PTPRR: variants seen among roughly 807,000 people sequenced by gnomAD.
The protein encoded by PTPRR is protein tyrosine phosphatase receptor type R.
A neutral mutation model predicts 77.2 loss-of-function variants in PTPRR; 38 were observed. That is an observed-to-expected ratio of 0.49 (90% CI 0.38 to 0.65). The LOEUF is 0.65. Among genes scored for constraint, PTPRR ranks in the 30% least tolerant of loss-of-function variants. PTPRR has a pLI of 0.00. For synonymous variants in PTPRR, 299 were observed against 283.1 expected (o/e 1.06, Z -0.57); for missense variants, 744 against 799.2 (o/e 0.93, Z 0.83).
At chr12:70,684,363 A>C (rs1887783749) in intron 9 of PTPRR, 99 bp from the exon 10 acceptor site, 1 of 1,301,208 alleles carries the variant, frequency 7.7e-7, no homozygotes. Flanking sequence ...GGGCTAGTAC[A>C]AAAGCAACAC....
At position 70,892,866 on chromosome 12, in the gene PTPRR, G is replaced by T. The variant is rs748791402; in HGVS notation, c.170C>A (p.Ala57Asp). The T allele has an allele frequency of 1.2e-6, 2 of 1,613,502 alleles. No homozygotes were observed. The highest frequency in any genetic ancestry group is 1.3e-5 in the African/African-American group (1 of 74,952). The change falls in exon 2 of 14, where the codon GCC (alanine) becomes GAC (aspartate). Residue 57 changes from alanine to aspartate, a missense_variant. Around this residue, in one of 3 missense-constraint regions of PTPRR, gnomAD observed 570 missense variants for 573.2 expected, o/e 0.99. Coordinates refer to ENST00000283228, the MANE Select transcript of PTPRR (RefSeq NM_002849.4). ...SQDIEKSLDI[A>D]PQKIYRHSYH... ...GCTATGTCTGTAGATTTTTTGTGGG[G>T]CTATATCCAGGCTCTTCTCAATGTC... is the stretch of plus-strand genomic sequence containing the variant.
chr12:70,812,983 C>G (rs1891836934), intron 2 of PTPRR, among the ~76,000 whole-genome samples: 1 of 152,182 alleles, frequency 6.6e-6, no homozygotes. Context: ...TTAGTTTTAA[C>G]TTTTCAAATC....
At chr12:70,783,976 G>A (rs1891263578) in intron 2 of PTPRR, among the ~76,000 whole-genome samples, 1 of 152,040 alleles carries the variant, frequency 6.6e-6, no homozygotes, top group African/African-American at 2.4e-5. Flanking sequence ...TCCCAGATTA[G>A]AGCGGGTGCC....
chr12:70,849,913 AC>A (rs748077533), intron 2 of PTPRR, among the ~76,000 whole-genome samples: 3 of 152,190 alleles, frequency 2.0e-5, no homozygotes, highest in Non-Finnish European at 4.4e-5. Context: ...GGAATGACAA[AC>A]AAAAACCAAA....
In PTPRR at chr12:70,660,178, TAATAAATAAATA is replaced by T. The variant is rs57676991; in HGVS notation, c.1766+750_1766+761del. Reference sequence around the variant, plus strand: ...GGTGATAGAGTGAGACTCTGTCTCATAATAAATAAATAAATAAATAAATAAATAAATAAATAG... The same window carrying T: ...GGTGATAGAGTGAGACTCTGTCTCATAATAAATAAATAAATAAATAAATAG... On this transcript the variant is annotated intron_variant, in intron 12 of 13. Transcript: ENST00000283228. Among the ~76,000 whole-genome samples, 157 of 141,050 alleles carry T rather than the reference TAATAAATAAATA, an allele frequency of 1.1e-3. 1 individual carries two copies. The highest frequency in any genetic ancestry group is 3.5e-3 in the African/African-American group (135 of 39,126). The allele number at this position is 141,050 out of a possible 152,430, so 92.5% of individuals were successfully genotyped here. A position where few individuals can be genotyped will look rare whatever the true frequency, so the allele number is the denominator to read the frequency against.
intron 8 of PTPRR, chr12:70,685,023 T>A (rs887803774): frequency 3.1e-5 from 10 of 325,308 alleles, no homozygotes; most frequent in Non-Finnish European, 4.5e-5. Context: ...TTTCAGGCCA[T>A]TTCTCATCTG....
intron 5 of PTPRR, among the ~76,000 whole-genome samples, chr12:70,746,695 AT>A (rs1363619173): frequency 2.0e-5 from 3 of 152,074 alleles, no homozygotes; most frequent in African/African-American, 7.2e-5. Context: ...TTTAATATTT[AT>A]TTTATTTTAT....
intron 2 of PTPRR, among the ~76,000 whole-genome samples, chr12:70,884,828 T>C (rs914623602): frequency 3.9e-5 from 5 of 126,730 alleles, no homozygotes; most frequent in Middle Eastern, 5.1e-3. Flanking sequence ...GCCGAGATCG[T>C]GCCACTGCAC....
chr12:70,649,264 G>A (rs1467375404), intron 13 of PTPRR, among the ~76,000 whole-genome samples: 7 of 152,022 alleles, frequency 4.6e-5, no homozygotes, highest in African/African-American at 1.2e-4. Flanking sequence ...TTGACTGATC[G>A]GTCATGAAAT....
At chr12:70,759,330 C>T (rs1403164442) in intron 4 of PTPRR, among the ~76,000 whole-genome samples, 2 of 151,972 alleles carry the variant, frequency 1.3e-5, no homozygotes, top group Admixed American at 1.3e-4. Flanking sequence ...ATGTCACAAG[C>T]TCTCAAAAAA....
intron 2 of PTPRR, among the ~76,000 whole-genome samples, chr12:70,884,297 G>C (rs974726832): frequency 6.6e-6 from 1 of 152,144 alleles, no homozygotes; most frequent in Non-Finnish European, 1.5e-5. Flanking sequence ...TCCATTAGCA[G>C]TGAGATTTTT....
At chr12:70,791,064 T>C (rs1285078681) in intron 2 of PTPRR, among the ~76,000 whole-genome samples, 2 of 152,174 alleles carry the variant, frequency 1.3e-5, no homozygotes, top group African/African-American at 4.8e-5. Flanking sequence ...GCTTCCACTC[T>C]GCTTTTATTG....
chr12:70,761,951 T>TA (rs1491224945), intron 3 of PTPRR, among the ~76,000 whole-genome samples: 6 of 152,124 alleles, frequency 3.9e-5, no homozygotes, highest in Non-Finnish European at 5.9e-5. Flanking sequence ...CCTGAGTAAT[T>TA]ATGTTTAAAG....
chr12:70,683,290 G>A (rs1038809856), intron 10 of PTPRR, among the ~76,000 whole-genome samples: 4 of 152,150 alleles, frequency 2.6e-5, no homozygotes, highest in African/African-American at 4.8e-5. Context: ...AATAATCCCA[G>A]TAAGTTGTCC....
At chr12:70,689,030 T>TG (rs55907010) in intron 8 of PTPRR, among the ~76,000 whole-genome samples, 129,388 of 151,952 alleles carry the variant, frequency 0.85, 55,520 homozygotes, top group East Asian at 0.92. Context: ...GCTAGGTGGG[T>TG]GGGTGAATGG....
At chr12:70,692,213 A>G (rs2136757256) in intron 8 of PTPRR, among the ~76,000 whole-genome samples, 1 of 152,132 alleles carries the variant, frequency 6.6e-6, no homozygotes, top group South Asian at 2.1e-4. Flanking sequence ...TGTCCGTTGG[A>G]CTCAATTTTA....
At chr12:70,758,464 T>C (rs1890612617) in intron 4 of PTPRR, among the ~76,000 whole-genome samples, 1 of 148,922 alleles carries the variant, frequency 6.7e-6, no homozygotes, top group African/African-American at 2.6e-5. Context: ...GCTTTTAAAC[T>C]GAGAATAAAG....
chr12:70,890,579 T>C (rs907597036), intron 2 of PTPRR, among the ~76,000 whole-genome samples: 1 of 152,010 alleles, frequency 6.6e-6, no homozygotes, highest in South Asian at 2.1e-4. Context: ...AGTTTAGAGG[T>C]TGAGTGTAGC....
intron 2 of PTPRR, among the ~76,000 whole-genome samples, chr12:70,767,724 A>G (rs1890863606): frequency 6.6e-6 from 1 of 152,148 alleles, no homozygotes; most frequent in South Asian, 2.1e-4. Context: ...TTTTTTCAGC[A>G]CCACACCACA....
Sources: gnomAD v4.1 joint callset for allele counts (sites outside exome capture counted in the v4.1 genomes callset) on GRCh38, gnomAD v4.1.1 for gene constraint, gnomAD v4.1.1 regional missense constraint, MANE v1.5 for transcripts, NCBI Gene and HGNC (gene_info 2026-07-23, HGNC 2026-07-21) for gene names.